The following GOLGA5 variants were observed in gnomAD, a reference collection of about 807,000 sequenced individuals.
GOLGA5 encodes golgin A5.
GOLGA5 carries 50 observed loss-of-function variants against 93.5 expected under a neutral mutation model. The ratio of observed to expected loss-of-function variants is 0.53; its 90% CI spans 0.43 to 0.68. The LOEUF (loss-of-function observed/expected upper bound fraction) is 0.68. GOLGA5 is among the 30% of genes least tolerant of loss of function. The pLI is 0.00. For synonymous variants in GOLGA5, 312 were observed against 304.5 expected, an observed-to-expected ratio of 1.02 and a Z score of -0.26; for missense variants, 760 against 856.4, an observed-to-expected ratio of 0.89 and a Z score of 1.40.
chr14:92,808,349 G>C (rs1885033688), intron 3 of GOLGA5, among the ~76,000 whole-genome samples: 1 of 151,960 alleles, frequency 6.6e-6, no homozygotes, highest in Non-Finnish European at 1.5e-5. Flanking sequence ...AAATAGAGCT[G>C]TTTGGCCAGG....
intron 1 of GOLGA5, among the ~76,000 whole-genome samples, chr14:92,795,958 T>C (rs919737765): frequency 2.6e-5 from 4 of 152,270 alleles, no homozygotes; most frequent in Non-Finnish European, 4.4e-5. Flanking sequence ...TCTGTATCTA[T>C]ATCTTCATCA....
At chr14:92,833,075 AT>A in intron 9 of GOLGA5, 46 bp from the exon 10 acceptor site, 1 of 1,025,652 alleles carries the variant, frequency 9.7e-7, no homozygotes, top group South Asian at 1.3e-5. Context: ...TCTGTATTGT[AT>A]GACTTTCATT....
intron 10 of GOLGA5, among the ~76,000 whole-genome samples, 160 bp from the exon 11 acceptor site, chr14:92,835,399 A>G (rs574241546): frequency 6.6e-6 from 1 of 152,284 alleles, no homozygotes; most frequent in African/African-American, 2.4e-5. Context: ...TATGTCATCA[A>G]ATTTACCTGT....
intron 2 of GOLGA5, among the ~76,000 whole-genome samples, chr14:92,805,828 T>G (rs1884972693): frequency 6.6e-6 from 1 of 151,244 alleles, no homozygotes; most frequent in South Asian, 2.1e-4. Context: ...TTAGTCAGTT[T>G]TATTATTTAG....
At chr14:92,822,381 T>C (rs181580711) in intron 8 of GOLGA5, among the ~76,000 whole-genome samples, 60 of 152,352 alleles carry the variant, frequency 3.9e-4, no homozygotes, top group African/African-American at 1.4e-3. Context: ...TGAAAGTACT[T>C]AGTAACTCCA....
At chr14:92,807,285 G>C (rs1376424081) in intron 3 of GOLGA5, among the ~76,000 whole-genome samples, 1 of 151,030 alleles carries the variant, frequency 6.6e-6, no homozygotes, top group Non-Finnish European at 1.5e-5. Context: ...CTGGGCAGCA[G>C]AGCAAGACTC....
chr14:92,813,822 A>C (rs1458075100), intron 6 of GOLGA5, among the ~76,000 whole-genome samples: 2 of 152,236 alleles, frequency 1.3e-5, no homozygotes, highest in Non-Finnish European at 2.9e-5. Flanking sequence ...AGAGGTGATC[A>C]TAAGAAATAA....
chr14:92,817,050 C>T (rs1195179642), intron 7 of GOLGA5, among the ~76,000 whole-genome samples: 1 of 152,084 alleles, frequency 6.6e-6, no homozygotes, highest in Non-Finnish European at 1.5e-5. Context: ...CAGGGATTCT[C>T]CTGCCTCAGC....
rs1363001397 is a variant in GOLGA5 at position 92,837,401 on chromosome 14, T to G, written c.2067T>G (p.Ile689Met). ...GTCTGCACAGTATTCGCCTGGGAATTTTTCTCCGAAGATACCCCATAGCGC... is the reference window on the plus strand; with the variant it reads ...GTCTGCACAGTATTCGCCTGGGAATGTTTCTCCGAAGATACCCCATAGCGC... ...SIDQFSIRLG[I>M]FLRRYPIARV... The change falls in exon 12 of 13, where the codon ATT (isoleucine) becomes ATG (methionine). Residue 689 changes from isoleucine (I) to methionine (M), a missense_variant. Physicochemically the swap from Ile to Met is conservative, Grantham distance 10. Coordinates refer to ENST00000163416, the MANE Select transcript of GOLGA5 (RefSeq NM_005113.4). 2 of 1,547,746 alleles carry G rather than the reference T, an allele frequency of 1.3e-6. No homozygotes were observed. The highest frequency in any genetic ancestry group is 1.8e-6 in the Non-Finnish European group (2 of 1,120,098).
chr14:92,801,722 C>CA (rs1322731476), intron 2 of GOLGA5, among the ~76,000 whole-genome samples: 1 of 126,070 alleles, frequency 7.9e-6, no homozygotes, highest in East Asian at 2.3e-4. Flanking sequence ...GATAGGCATT[C>CA]AATTCCCTTT....
intron 8 of GOLGA5, among the ~76,000 whole-genome samples, chr14:92,820,788 G>GC (rs1191087416): frequency 4.0e-4 from 61 of 152,310 alleles, no homozygotes; most frequent in African/African-American, 1.5e-3. Flanking sequence ...ATCCTGCACA[G>GC]CCCTAGATCC....
At chr14:92,814,769 A>G (rs2140322784) in intron 6 of GOLGA5, among the ~76,000 whole-genome samples, 1 of 152,296 alleles carries the variant, frequency 6.6e-6, no homozygotes, top group East Asian at 1.9e-4. Flanking sequence ...TTCCTAGTCT[A>G]GAATTAGGAC....
intron 7 of GOLGA5, among the ~76,000 whole-genome samples, chr14:92,819,382 C>T (rs573248212): frequency 1.3e-5 from 2 of 151,962 alleles, no homozygotes; most frequent in Non-Finnish European, 2.9e-5. Context: ...GGCTCAACAC[C>T]TGTAATCCCA....
At chr14:92,829,655 C>T (rs191229188) in intron 9 of GOLGA5, among the ~76,000 whole-genome samples, 17 of 152,268 alleles carry the variant, frequency 1.1e-4, no homozygotes, top group Middle Eastern at 3.4e-3. Flanking sequence ...AAGATGGAAT[C>T]CACTTTTGGT....
intron 7 of GOLGA5, among the ~76,000 whole-genome samples, chr14:92,817,785 AC>A (rs1035531941): frequency 5.9e-5 from 9 of 152,218 alleles, no homozygotes; most frequent in African/African-American, 2.2e-4. Flanking sequence ...TAGCAGACAG[AC>A]GTGGATAGAT....
At position 92,794,313 on chromosome 14, in the gene GOLGA5, TC is replaced by T. The variant is rs879379777; in HGVS notation, c.-172del. The T allele has an allele frequency of 6.6e-6, 1 of 152,308 alleles. No individual in the cohort carries two copies. The highest frequency in any genetic ancestry group is 1.5e-5 in the Non-Finnish European group (1 of 68,096). The allele number at this position is 152,308 out of a possible 1,614,324, so 9.4% of individuals were successfully genotyped here. ...TCTGTTGTGGGGTCCTCGCTTCCCT[TC>T]CACGTCTCCCGGAAGCGGTAGCAGG... is the stretch of plus-strand genomic sequence containing the variant. On this transcript the variant is annotated 5_prime_UTR_variant, in exon 1 of 13. Transcript: ENST00000163416.
intron 10 of GOLGA5, among the ~76,000 whole-genome samples, chr14:92,834,195 T>TTTA (rs57469376): frequency 3.0e-4 from 44 of 147,964 alleles, no homozygotes; most frequent in Admixed American, 2.2e-3. Flanking sequence ...TTTTTTTTTT[T>TTTA]ATTTTATTTT....
rs115320634 is a variant in GOLGA5 at position 92,794,881 on chromosome 14, C to T, written c.-31+425C>T. ...TGCCGCAGCCCTTTGCAGACCCATCCCCATCCCACGCACTCTCTGCCCCTG... is the reference window on the plus strand; with the variant it reads ...TGCCGCAGCCCTTTGCAGACCCATCTCCATCCCACGCACTCTCTGCCCCTG... On this transcript the variant is annotated intron_variant, in intron 1 of 12. Coordinates refer to ENST00000163416, the MANE Select transcript of GOLGA5 (RefSeq NM_005113.4). Among the ~76,000 whole-genome samples the T allele has an allele frequency of 6.2e-3, 525 of 84,608 alleles. 3 individuals are homozygous for T. The highest frequency in any genetic ancestry group is 0.028 in the African/African-American group (509 of 18,236). The allele number at this position is 84,608 out of a possible 152,430, so 55.5% of individuals were successfully genotyped here. A position where few individuals can be genotyped will look rare whatever the true frequency, so the allele number is the denominator to read the frequency against.
At chr14:92,797,049 C>A (rs1380218700) in intron 1 of GOLGA5, among the ~76,000 whole-genome samples, 2 of 146,324 alleles carry the variant, frequency 1.4e-5, no homozygotes, top group African/African-American at 2.5e-5. Context: ...TTTATTATTA[C>A]TTTGAAATAG....
Sources: gnomAD v4.1 joint callset for allele counts (sites outside exome capture counted in the v4.1 genomes callset) on GRCh38, gnomAD v4.1.1 for gene constraint, MANE v1.5 for transcripts, NCBI Gene and HGNC (gene_info 2026-07-23, HGNC 2026-07-21) for gene names.